Variants in TEX9 observed in about 807,000 individuals in gnomAD.
TEX9 encodes the protein testis-expressed protein 9.
In TEX9, 74 loss-of-function variants were observed where a neutral mutation model predicts 59.6. The observed-to-expected ratio is 1.24, with a 90% CI of 1.03 to 1.51. TEX9 has a LOEUF of 1.51. Ranked by LOEUF, TEX9 falls within the 40% of genes most tolerant of loss-of-function variation. The probability of loss-of-function intolerance (pLI) is 0.00; values close to 1 mark genes in which losing one functional copy is unlikely to be tolerated. For synonymous variants in TEX9, 186 were observed against 152.2 expected (o/e 1.22, Z -1.64); for missense variants, 522 against 447.8 (o/e 1.17, Z -1.49).
intron 10 of TEX9, among the ~76,000 whole-genome samples, chr15:56,427,244 A>ATTGAT (rs1177407913): frequency 6.6e-5 from 10 of 151,676 alleles, no homozygotes; most frequent in Admixed American, 6.6e-4. Flanking sequence ...TCTACTTATT[A>ATTGAT]TTGATTACTC....
At chr15:56,446,756 T>C (rs1358004034), downstream of TEX9, 2 of 985,050 alleles carry the variant, frequency 2.0e-6, no homozygotes, top group African/African-American at 1.6e-5. Context: ...AAATTCTTTA[T>C]ACAATATGAC....
chr15:56,302,359 A>G (rs1404158587), intron 1 of TEX9, among the ~76,000 whole-genome samples: 3 of 151,176 alleles, frequency 2.0e-5, no homozygotes, highest in Admixed American at 2.0e-4. Context: ...ACACACACAC[A>G]CACGAACATA....
chr15:56,317,412 A>G (rs185530688), intron 1 of TEX9, among the ~76,000 whole-genome samples: 43 of 152,292 alleles, frequency 2.8e-4, no homozygotes, highest in Admixed American at 1.4e-3. Flanking sequence ...TAGCAATTTA[A>G]GTTTTCCCCT....
At chr15:56,373,007 AC>A (rs2047259111) in intron 2 of TEX9, among the ~76,000 whole-genome samples, 1 of 152,072 alleles carries the variant, frequency 6.6e-6, no homozygotes, top group Non-Finnish European at 1.5e-5. Flanking sequence ...TTATAGCAAT[AC>A]CCCAAACCAG....
At chr15:56,342,780 C>T (rs1478480634) in intron 1 of TEX9, among the ~76,000 whole-genome samples, 1 of 152,176 alleles carries the variant, frequency 6.6e-6, no homozygotes, top group Admixed American at 6.5e-5. Context: ...CCCAAAGTGG[C>T]AGCTCCTGGA....
intron 1 of TEX9, among the ~76,000 whole-genome samples, chr15:56,256,632 C>A (rs1183982406): frequency 1.3e-5 from 2 of 151,620 alleles, no homozygotes; most frequent in Non-Finnish European, 2.9e-5. Flanking sequence ...TGTCAAAAGT[C>A]TGGAATGTCT....
intron 1 of TEX9, chr15:56,323,663 G>A (rs1339767419): frequency 6.5e-6 from 1 of 153,628 alleles, no homozygotes; most frequent in Admixed American, 6.9e-5. Flanking sequence ...ACAAGATGAA[G>A]AGGAGGAAGA....
At chr15:56,293,513 A>G (rs1160222266) in intron 1 of TEX9, among the ~76,000 whole-genome samples, 1 of 152,246 alleles carries the variant, frequency 6.6e-6, no homozygotes, top group Non-Finnish European at 1.5e-5. Context: ...CTGTAGGCCC[A>G]TGAATGTTCT....
chr15:56,379,143 A>T (rs2047605486), intron 3 of TEX9, among the ~76,000 whole-genome samples: 1 of 151,936 alleles, frequency 6.6e-6, no homozygotes, highest in Non-Finnish European at 1.5e-5. Context: ...TTGCTAAGTC[A>T]TTTATTTGAA....
At chr15:56,293,933 TA>T (rs1431430167) in intron 1 of TEX9, among the ~76,000 whole-genome samples, 1 of 152,258 alleles carries the variant, frequency 6.6e-6, no homozygotes, top group Non-Finnish European at 1.5e-5. Context: ...AACAACTTTC[TA>T]TGAGTTCCAC....
At chr15:56,414,319 T>C (rs1339369832) in intron 10 of TEX9, among the ~76,000 whole-genome samples, 1 of 151,724 alleles carries the variant, frequency 6.6e-6, no homozygotes. Context: ...TGGGGGTTTG[T>C]TGCACATATA....
In TEX9 at chr15:56,260,472, G is replaced by A. The variant is rs2044239820; in HGVS notation, c.-107+16194G>A. On this transcript the variant is annotated intron_variant, in intron 1 of 5. Transcript: ENST00000560827. ...TGGAGGCCTTTTTGCATCTATTGAG[G>A]TGATCAGTGATTTTTACTTTCATTA... Among the ~76,000 whole-genome samples, 4 of 152,038 alleles carry A rather than the reference G, an allele frequency of 2.6e-5. No homozygotes were observed. The South Asian group carries it at 8.3e-4, about 32-fold the overall frequency.
At chr15:56,442,038 TAAAA>T (rs2050824448) in intron 12 of TEX9, among the ~76,000 whole-genome samples, 1 of 150,978 alleles carries the variant, frequency 6.6e-6, no homozygotes, top group East Asian at 1.9e-4. Flanking sequence ...AATAATAAAA[TAAAA>T]TAAATAAATA....
chr15:56,354,444 A>G (rs2046647788), intron 1 of TEX9, among the ~76,000 whole-genome samples: 1 of 152,220 alleles, frequency 6.6e-6, no homozygotes, highest in Non-Finnish European at 1.5e-5. Context: ...TCTCAAAGTA[A>G]AAAGGTGGGG....
At position 56,428,361 on chromosome 15, in the gene TEX9, T is replaced by A. The variant is rs751410549; in HGVS notation, c.1099-6T>A. The A allele has an allele frequency of 6.2e-7, 1 of 1,606,396 alleles. No homozygotes were observed. Among genetic ancestry groups the A allele is most frequent in the East Asian group, 2.2e-5 (1 of 44,694 alleles). ...AATCAGACAATATTGATTTTTTTTT[T>A]AACAGATGCATATTGAAGCTGCCAA... On this transcript the variant is annotated splice_polypyrimidine_tract_variant and splice_region_variant and intron_variant, in intron 11 of 12. Coordinates refer to ENST00000352903, the Ensembl canonical transcript of TEX9.
At position 56,389,404 on chromosome 15, in the gene TEX9, T is replaced by C. The variant is rs1238476911; in HGVS notation, c.395+4T>C. ...AAGGAAGGAAAACAAATTCAAGGTA[T>C]AGTATAGTTTTCAAAGTATTTCTTT... On this transcript the variant is annotated splice_donor_region_variant and intron_variant, in intron 6 of 12. Coordinates refer to ENST00000352903, the Ensembl canonical transcript of TEX9. The C allele has an allele frequency of 1.9e-6, 3 of 1,585,302 alleles. No individual in the cohort carries two copies. In the South Asian group the frequency reaches 3.4e-5, roughly 18 times the overall value.
chr15:56,255,067 A>G (rs1440328617), intron 1 of TEX9, among the ~76,000 whole-genome samples: 1 of 152,124 alleles, frequency 6.6e-6, no homozygotes, highest in Non-Finnish European at 1.5e-5. Context: ...TTTAAAATTA[A>G]TAGCATAAAA....
At chr15:56,396,870 A>G (rs3985758) in intron 9 of TEX9, 65,336 of 152,220 alleles carry the variant, frequency 0.43, 14,168 homozygotes, top group Non-Finnish European at 0.45. Flanking sequence ...TGTGAGTCCA[A>G]TAAACCTCTC....
At position 56,371,461 on chromosome 15, in the gene TEX9, ATT is replaced by A. The variant is rs11336443; in HGVS notation, c.120-1971_120-1970del. ...TCTTGCCTAATGTTTTTCTAAGTGC[ATT>A]TTTTTTTTCCAAATTAATGCTAATT... On this transcript the variant is annotated intron_variant, in intron 2 of 12. Coordinates refer to ENST00000352903, the Ensembl canonical transcript of TEX9. Among the ~76,000 whole-genome samples, 195 of 148,944 alleles carry A rather than the reference ATT, an allele frequency of 1.3e-3. 3 individuals are homozygous for A. In the East Asian group the frequency reaches 0.016, roughly 12 times the overall value.
Sources: gnomAD v4.1 joint callset for allele counts (sites outside exome capture counted in the v4.1 genomes callset) on GRCh38, gnomAD v4.1.1 for gene constraint, MANE v1.5 for transcripts, NCBI Gene and HGNC (gene_info 2026-07-23, HGNC 2026-07-21) for gene names.